Variants in MTUS2 observed in about 807,000 individuals in gnomAD.
MTUS2 encodes microtubule associated scaffold protein 2.
A neutral mutation model predicts 114.1 loss-of-function variants in MTUS2; 40 were observed. The ratio of observed to expected loss-of-function variants is 0.35; its 90% CI spans 0.27 to 0.46. The LOEUF is 0.46. Ranked by LOEUF, MTUS2 falls within the 20% of genes least tolerant of loss-of-function variation. The pLI is 1.00. For missense variants in MTUS2, 1,679 were observed against 1,705.4 expected (o/e 0.98, Z 0.27); for synonymous variants, 688 against 672.0 (o/e 1.02, Z -0.37).
chr13:28,922,394 T>C (rs1881092580), intron 2 of MTUS2, among the ~76,000 whole-genome samples: 1 of 152,202 alleles, frequency 6.6e-6, no homozygotes, highest in Non-Finnish European at 1.5e-5. Flanking sequence ...CACTAGGACT[T>C]GCCTAGGAAT....
At chr13:29,077,026 T>C (rs1281449141) in intron 4 of MTUS2, among the ~76,000 whole-genome samples, 1 of 152,246 alleles carries the variant, frequency 6.6e-6, no homozygotes, top group African/African-American at 2.4e-5. Flanking sequence ...ATCCTCATTT[T>C]TCATGTGAGA....
chr13:29,357,911 C>G (rs532138760), intron 7 of MTUS2, among the ~76,000 whole-genome samples: 137 of 152,276 alleles, frequency 9.0e-4, no homozygotes, highest in African/African-American at 3.2e-3. Flanking sequence ...TAACCACTTT[C>G]CCCTTAAAAG....
intron 7 of MTUS2, among the ~76,000 whole-genome samples, chr13:29,334,424 T>A (rs1307592891): frequency 6.6e-6 from 1 of 152,214 alleles, no homozygotes; most frequent in African/African-American, 2.4e-5. Context: ...CTCTCAGTAT[T>A]TGCTTGTCTG....
At chr13:29,048,015 A>G (rs1335919167) in intron 4 of MTUS2, among the ~76,000 whole-genome samples, 5 of 152,174 alleles carry the variant, frequency 3.3e-5, no homozygotes, top group East Asian at 1.9e-4. Context: ...ATAATATTCT[A>G]TTGTATGGAT....
chr13:29,481,998 T>A (rs943015845), intron 10 of MTUS2: 1 of 152,216 alleles, frequency 6.6e-6, no homozygotes, highest in African/African-American at 2.4e-5. Context: ...CTTACTCATT[T>A]TACGGCCGCT....
chr13:28,880,469 A>G (rs1339201504), intron 2 of MTUS2, among the ~76,000 whole-genome samples: 1 of 152,238 alleles, frequency 6.6e-6, no homozygotes, highest in Non-Finnish European at 1.5e-5. Flanking sequence ...ACAGTGGTGT[A>G]TTCATGCTAA....
chr13:28,876,145 C>T (rs1375176155), intron 2 of MTUS2, among the ~76,000 whole-genome samples: 1 of 152,164 alleles, frequency 6.6e-6, no homozygotes, highest in Non-Finnish European at 1.5e-5. Context: ...TTAGTCAGTG[C>T]ACAATTTCCT....
intron 5 of MTUS2, among the ~76,000 whole-genome samples, chr13:29,153,103 C>G (rs947379298): frequency 2.0e-5 from 3 of 152,298 alleles, no homozygotes; most frequent in Non-Finnish European, 2.9e-5. Flanking sequence ...AGATGAACTC[C>G]ATGATGCCTT....
In MTUS2 at chr13:29,359,584, T is replaced by TGGAGTTTGGATTTTCA. The variant is rs1340933570; in HGVS notation, c.3117+118_3117+133dup. 155 of 1,216,194 alleles carry TGGAGTTTGGATTTTCA rather than the reference T, an allele frequency of 1.3e-4. 1 individual carries two copies. In the South Asian group the frequency reaches 2.2e-3, roughly 17 times the overall value. 75.3% of individuals were successfully genotyped at this position (1,216,194 alleles called of 1,614,324 possible). A position where few individuals can be genotyped will look rare whatever the true frequency, so the allele number is the denominator to read the frequency against. On this transcript the variant is annotated intron_variant, in intron 8 of 15. Transcript: ENST00000612955. Reference sequence around the variant, plus strand: ...TTTTGGGTTTGAGTTTTGATCAGAGTGGAGTTTGGATTTTCAGGAGTTCAG... The same window carrying TGGAGTTTGGATTTTCA: ...TTTTGGGTTTGAGTTTTGATCAGAGTGGAGTTTGGATTTTCAGGAGTTTGGATTTTCAGGAGTTCAG...
At chr13:29,194,263 A>G (rs76698492) in intron 5 of MTUS2, among the ~76,000 whole-genome samples, 106 of 152,284 alleles carry the variant, frequency 7.0e-4, no homozygotes, top group African/African-American at 2.5e-3. Context: ...TTAAACTAAA[A>G]AGCTTCTACA....
At chr13:29,060,489 G>C (rs111625177) in intron 4 of MTUS2, among the ~76,000 whole-genome samples, 1 of 149,250 alleles carries the variant, frequency 6.7e-6, no homozygotes, top group Admixed American at 6.6e-5. Flanking sequence ...CCTCTCCGCT[G>C]TCTGTGTCCA....
At chr13:29,221,730 C>A (rs1895916387) in intron 5 of MTUS2, among the ~76,000 whole-genome samples, 1 of 151,630 alleles carries the variant, frequency 6.6e-6, no homozygotes, top group Non-Finnish European at 1.5e-5. Context: ...CTTTTTGTTT[C>A]TTTAGAAATT....
At chr13:29,237,909 T>C (rs1896592552) in intron 5 of MTUS2, among the ~76,000 whole-genome samples, 1 of 151,956 alleles carries the variant, frequency 6.6e-6, no homozygotes, top group Admixed American at 6.6e-5. Context: ...AGACAGAAGA[T>C]AAGTGCTCAT....
intron 5 of MTUS2, among the ~76,000 whole-genome samples, chr13:29,211,732 G>A (rs1895448504): frequency 6.6e-6 from 1 of 151,970 alleles, no homozygotes; most frequent in African/African-American, 2.4e-5. Context: ...AGGCTCCCCA[G>A]TGAGGATGTG....
At position 29,480,308 on chromosome 13, in the gene MTUS2, C is replaced by T; in HGVS notation, c.3343C>T (p.Leu1115=). The change falls in exon 10 of 16, where the codon CTG becomes TTG. Residue 1115 remains leucine, a synonymous_variant. Coordinates refer to ENST00000612955, the MANE Select transcript of MTUS2 (RefSeq NM_001033602.4). This position sits in a 1 kb window ranked among gnomAD's most constrained non-coding sequence, Gnocchi z 4.4. ...QLQFEAEMAR[L]QEEHGDQLLS... The stretch of plus-strand genomic sequence containing the variant: ...GCAATTCGAGGCGGAAATGGCGCGC[C>T]TGCAGGAGGAGCACGGTGACCAGCT... 1.3e-6 allele frequency: 2 copies of T among 1,556,412 alleles called. No homozygotes were observed. Among genetic ancestry groups the T allele is most frequent in the Non-Finnish European group, 1.7e-6 (2 of 1,150,326 alleles).
In MTUS2 at chr13:29,026,721, A is replaced by T; in HGVS notation, c.2023A>T (p.Thr675Ser). The T allele has an allele frequency of 1.2e-6, 2 of 1,613,932 alleles. No homozygotes were observed. Among genetic ancestry groups the T allele is most frequent in the South Asian group, 1.1e-5 (1 of 91,080 alleles). ...GCTTCCATATGCCCCGCCCACATGT[A>T]CCATGCCTCTTCCCCACGAAGAGAA... ...VGLPYAPPTC[T>S]MPLPHEEKAA... Residue 675 changes from threonine (T) to serine (S), a missense_variant, in exon 3 of 16, where the codon ACC becomes TCC. Thr to Ser is a moderately conservative substitution (Grantham distance 58). Coordinates refer to ENST00000612955, the MANE Select transcript of MTUS2 (RefSeq NM_001033602.4).
intron 2 of MTUS2, among the ~76,000 whole-genome samples, chr13:28,846,835 A>G (rs905858874): frequency 6.6e-6 from 1 of 152,226 alleles, no homozygotes; most frequent in Non-Finnish European, 1.5e-5. Context: ...GCGATTTTTC[A>G]TACCTCATGC....
intron 2 of MTUS2, among the ~76,000 whole-genome samples, chr13:28,873,500 A>G (rs2138109216): frequency 6.6e-6 from 1 of 152,362 alleles, no homozygotes; most frequent in Middle Eastern, 3.4e-3. Context: ...TAACATGAAT[A>G]TTTGTGAACT....
chr13:28,836,044 A>G (rs1875060686), intron 1 of MTUS2, among the ~76,000 whole-genome samples: 2 of 152,188 alleles, frequency 1.3e-5, no homozygotes, highest in South Asian at 2.1e-4. Flanking sequence ...TACACTTTAT[A>G]GGGTATATTT....
Sources: allele counts gnomAD v4.1 joint callset (sites outside exome capture counted in the v4.1 genomes callset), GRCh38; gene constraint gnomAD v4.1.1; non-coding constraint Gnocchi (gnomAD v3.1); transcripts MANE v1.5; gene names NCBI Gene and HGNC (gene_info 2026-07-23, HGNC 2026-07-21).